Variants in PIAS1 observed in about 807,000 individuals in gnomAD.
PIAS1 encodes protein inhibitor of activated STAT 1.
Under a neutral mutation model 71.3 loss-of-function variants are expected in PIAS1, and 6 were observed. The ratio of observed to expected loss-of-function variants is 0.08; its 90% CI spans 0.05 to 0.17. The LOEUF is 0.17. PIAS1 is among the 10% of genes least tolerant of loss of function. The pLI, the probability that PIAS1 is intolerant of heterozygous loss-of-function variation, is 1.00. For synonymous variants in PIAS1, 303 were observed against 292.9 expected (o/e 1.03, Z -0.35); for missense variants, 555 against 793.6 (o/e 0.70, Z 3.61).
chr15:68,189,774 A>G lies in PIAS1; in HGVS notation c.*1939A>G, dbSNP rs2093110379. The G allele has an allele frequency of 6.6e-6, 1 of 152,210 alleles. No individual in the cohort carries two copies. The highest frequency in any genetic ancestry group is 1.5e-5 in the Non-Finnish European group (1 of 68,036). 9.4% of individuals were successfully genotyped at this position (152,210 alleles called of 1,614,324 possible). On this transcript the variant is annotated 3_prime_UTR_variant, in exon 14 of 14. Coordinates refer to ENST00000249636, the MANE Select transcript of PIAS1 (RefSeq NM_016166.3). ...ATAAAACAATTTGCAATAAAAAAAA[A>G]ACCAAAACAGATTGTCAGTTAACCA...
At chr15:68,118,520 C>G (rs2141017281) in intron 2 of PIAS1, among the ~76,000 whole-genome samples, 1 of 151,904 alleles carries the variant, frequency 6.6e-6, no homozygotes, top group African/African-American at 2.4e-5. Context: ...TAATTTTTTT[C>G]TTTTGGAAAT....
intron 2 of PIAS1, among the ~76,000 whole-genome samples, chr15:68,121,047 T>A (rs1486217663): frequency 6.6e-6 from 1 of 152,214 alleles, no homozygotes; most frequent in Non-Finnish European, 1.5e-5. Flanking sequence ...ATCGATGTTG[T>A]TTCCATTTCT....
rs528128007 is a variant in PIAS1 at position 68,181,293 on chromosome 15, C to T, written c.1563C>T (p.Thr521=). The T allele has an allele frequency of 1.2e-5, 20 of 1,613,566 alleles. No homozygotes were observed. The highest frequency in any genetic ancestry group is 2.7e-5 in the African/African-American group (2 of 75,030). The change falls in exon 12 of 14, where the codon ACC becomes ACT. Residue 521 remains threonine, a synonymous_variant. Coordinates refer to ENST00000249636, the MANE Select transcript of PIAS1 (RefSeq NM_016166.3). ...CTGTAGACACAAGCTACATTAATAC[C>T]TCCCTCATCCAAGACTATAGGCATC... ...LPAVDTSYIN[T]SLIQDYRHPF...
chr15:68,136,428 C>T lies in PIAS1; in HGVS notation c.470-5518C>T, dbSNP rs2092734617. 5.4e-5 allele frequency among the ~76,000 whole-genome samples: 2 copies of T among 36,912 alleles called. 1 individual carries two copies. Among genetic ancestry groups the T allele is most frequent in the South Asian group, 1.5e-3 (2 of 1,320 alleles). The allele number at this position is 36,912 out of a possible 152,430, so 24.2% of individuals were successfully genotyped here. A position where few individuals can be genotyped will look rare whatever the true frequency, so the allele number is the denominator to read the frequency against. ...CAGCCCGGCCAACACAGCGAAACCCCGTCTCCACCAAAAAAGTAAGAAAAC... is the reference window on the plus strand; with the variant it reads ...CAGCCCGGCCAACACAGCGAAACCCTGTCTCCACCAAAAAAGTAAGAAAAC... On this transcript the variant is annotated intron_variant, in intron 2 of 13. Coordinates refer to ENST00000249636, the MANE Select transcript of PIAS1 (RefSeq NM_016166.3).
chr15:68,115,316 C>G (rs919101373), intron 2 of PIAS1, among the ~76,000 whole-genome samples: 1 of 151,958 alleles, frequency 6.6e-6, no homozygotes, highest in Admixed American at 6.6e-5. Flanking sequence ...AAACTCTCTT[C>G]CACAGTACAT....
At position 68,134,453 on chromosome 15, in the gene PIAS1, C is replaced by T. The variant is rs1467555983; in HGVS notation, c.470-7493C>T. On this transcript the variant is annotated intron_variant, in intron 2 of 13. Transcript: ENST00000249636. Reference sequence around the variant, plus strand: ...GTAGGAGCGGCTGGGCAGAGGCGCCCCTCACCTCCCGGACGGGGCGGCTGG... The same window carrying T: ...GTAGGAGCGGCTGGGCAGAGGCGCCTCTCACCTCCCGGACGGGGCGGCTGG... 3.5e-4 allele frequency among the ~76,000 whole-genome samples: 20 copies of T among 57,146 alleles called. 4 individuals are homozygous for T. Among genetic ancestry groups the T allele is most frequent in the African/African-American group, 7.1e-4 (19 of 26,926 alleles). 37.5% of individuals were successfully genotyped at this position (57,146 alleles called of 152,430 possible).
intron 2 of PIAS1, among the ~76,000 whole-genome samples, chr15:68,130,474 T>C (rs150657425): frequency 3.6e-4 from 55 of 152,082 alleles, no homozygotes; most frequent in Non-Finnish European, 6.2e-4. Context: ...TAAAATGTGA[T>C]ATACTGATAA....
At position 68,187,914 on chromosome 15, in the gene PIAS1, T is replaced by TA. The variant is rs2093098636; in HGVS notation, c.*80dup. Reference sequence around the variant, plus strand: ...AAGAAGAGAACTTTGTGCTCTGTTTTACCTTACTCTGTTTAGAAAAGTATA... The same window carrying TA: ...AAGAAGAGAACTTTGTGCTCTGTTTTAACCTTACTCTGTTTAGAAAAGTATA... On this transcript the variant is annotated 3_prime_UTR_variant, in exon 14 of 14. Coordinates refer to ENST00000249636, the MANE Select transcript of PIAS1 (RefSeq NM_016166.3). This position sits in a 1 kb window ranked among gnomAD's most constrained non-coding sequence, Gnocchi z 5.3. 2.3e-6 allele frequency: 3 copies of TA among 1,319,778 alleles called. No homozygotes were observed. The highest frequency in any genetic ancestry group is 3.1e-6 in the Non-Finnish European group (3 of 954,260). The allele number at this position is 1,319,778 out of a possible 1,614,324, so 81.8% of individuals were successfully genotyped here. A position where few individuals can be genotyped will look rare whatever the true frequency, so the allele number is the denominator to read the frequency against.
In PIAS1 at chr15:68,187,607, C is replaced by T; in HGVS notation, c.1728C>T (p.His576=). 1 of 1,613,978 alleles carries T rather than the reference C, an allele frequency of 6.2e-7. No individual in the cohort carries two copies. The highest frequency in any genetic ancestry group is 8.5e-7 in the Non-Finnish European group (1 of 1,179,854). ...TTTCAGATGATCAAGACCTCCTACA[C>T]TCGTCTCGGTTTTTCCCGTATACCT... The part of the protein sequence containing the change: ...AAVSDDQDLL[H]SSRFFPYTSS... Residue 576 remains histidine, a synonymous_variant, in exon 14 of 14, where the codon CAC becomes CAT. Coordinates refer to ENST00000249636, the MANE Select transcript of PIAS1 (RefSeq NM_016166.3). This position sits in a 1 kb window ranked among gnomAD's most constrained non-coding sequence, Gnocchi z 5.3.
At chr15:68,096,601 T>C (rs1004202636) in intron 2 of PIAS1, among the ~76,000 whole-genome samples, 14 of 152,202 alleles carry the variant, frequency 9.2e-5, no homozygotes, top group Admixed American at 2.0e-4. Context: ...TTCAGAAATG[T>C]TTTGTAGTTT....
At position 68,167,091 on chromosome 15, in the gene PIAS1, G is replaced by A. The variant is rs1239864783; in HGVS notation, c.1008+2287G>A. 1.3e-5 allele frequency among the ~76,000 whole-genome samples: 2 copies of A among 152,136 alleles called. No homozygotes were observed. Among genetic ancestry groups the A allele is most frequent in the African/African-American group, 4.8e-5 (2 of 41,424 alleles). On this transcript the variant is annotated intron_variant, in intron 8 of 13. Coordinates refer to ENST00000249636, the MANE Select transcript of PIAS1 (RefSeq NM_016166.3). This position sits in a 1 kb window ranked among gnomAD's most constrained non-coding sequence, Gnocchi z 4.4. The stretch of plus-strand genomic sequence containing the variant: ...ATCCTCCTGCCTTGGCCTCCCTTGG[G>A]ATTACAGGCGTGAGCCACCACACCT...
In PIAS1 at chr15:68,187,957, C is replaced by G; in HGVS notation, c.*122C>G. The G allele has an allele frequency of 2.3e-6, 2 of 869,596 alleles. No individual in the cohort carries two copies. The highest frequency in any genetic ancestry group is 1.7e-6 in the Non-Finnish European group (1 of 581,514). The allele number at this position is 869,596 out of a possible 1,614,324, so 53.9% of individuals were successfully genotyped here. A position where few individuals can be genotyped will look rare whatever the true frequency, so the allele number is the denominator to read the frequency against. ...AAAGTATACAAGCGTGTTTTTTTTCCTTTTTTTAGGGAAAAAATTAAAAGA... is the reference window on the plus strand; with the variant it reads ...AAAGTATACAAGCGTGTTTTTTTTCGTTTTTTTAGGGAAAAAATTAAAAGA... On this transcript the variant is annotated 3_prime_UTR_variant, in exon 14 of 14. Transcript: ENST00000249636. This position sits in a 1 kb window ranked among gnomAD's most constrained non-coding sequence, Gnocchi z 5.3.
intron 7 of PIAS1, among the ~76,000 whole-genome samples, chr15:68,159,770 T>C (rs540306889): frequency 6.6e-6 from 1 of 152,318 alleles, no homozygotes; most frequent in African/African-American, 2.4e-5. Context: ...ATAAAGCTGC[T>C]GTAAACATTT....
intron 1 of PIAS1, among the ~76,000 whole-genome samples, chr15:68,070,671 G>T (rs761049233): frequency 5.3e-5 from 8 of 151,634 alleles, no homozygotes; most frequent in Non-Finnish European, 8.8e-5. Flanking sequence ...CGAAGACATA[G>T]TATGAAAAAA....
intron 7 of PIAS1, among the ~76,000 whole-genome samples, chr15:68,161,791 A>G (rs2092926286): frequency 1.3e-5 from 2 of 152,020 alleles, no homozygotes; most frequent in Admixed American, 6.5e-5. Context: ...TAGCTGAGCC[A>G]TGGTGGTGCA....
Position 68,072,293 on chromosome 15 carries a change from G to A in PIAS1, c.25-14013G>A, listed in dbSNP as rs531832565. On this transcript the variant is annotated intron_variant, in intron 1 of 13. Coordinates refer to ENST00000249636, the MANE Select transcript of PIAS1 (RefSeq NM_016166.3). ...CGGGCACCTGTAGTCCCAGCTACTCGGGAGTCTGAGGCAGGAGAATGGCGT... is the reference window on the plus strand; with the variant it reads ...CGGGCACCTGTAGTCCCAGCTACTCAGGAGTCTGAGGCAGGAGAATGGCGT... 2.6e-4 allele frequency among the ~76,000 whole-genome samples: 39 copies of A among 150,946 alleles called. No homozygotes were observed. In the South Asian group the frequency reaches 4.0e-3, roughly 15 times the overall value.
At chr15:68,133,278 A>G (rs544602988) in intron 2 of PIAS1, among the ~76,000 whole-genome samples, 2 of 152,268 alleles carry the variant, frequency 1.3e-5, no homozygotes, top group East Asian at 3.9e-4. Flanking sequence ...GAAGATATGA[A>G]TAAATGGACA....
chr15:68,108,743 C>A (rs1013772482), intron 2 of PIAS1, among the ~76,000 whole-genome samples: 1 of 152,120 alleles, frequency 6.6e-6, no homozygotes. Context: ...TTGCTCAAGT[C>A]AAAAACTCTG....
intron 8 of PIAS1, among the ~76,000 whole-genome samples, chr15:68,165,062 CA>C (rs1186380246): frequency 6.6e-6 from 1 of 152,080 alleles, no homozygotes; most frequent in Non-Finnish European, 1.5e-5. Context: ...TGTAAAATCT[CA>C]AAATAAGAAA....
Sources: allele counts gnomAD v4.1 joint callset (sites outside exome capture counted in the v4.1 genomes callset), GRCh38; gene constraint gnomAD v4.1.1; non-coding constraint Gnocchi (gnomAD v3.1); transcripts MANE v1.5; gene names NCBI Gene and HGNC (gene_info 2026-07-23, HGNC 2026-07-21).